The following RCAN1 variants were observed in gnomAD, a reference collection of about 807,000 sequenced individuals.
The protein encoded by RCAN1 is regulator of calcineurin 1.
A neutral mutation model predicts 22.9 loss-of-function variants in RCAN1; 11 were observed. The ratio of observed to expected loss-of-function variants is 0.48; its 90% CI spans 0.30 to 0.79. RCAN1 has a LOEUF of 0.79. Ranked by LOEUF, RCAN1 falls within the 30% of genes least tolerant of loss-of-function variation. The pLI, the probability that RCAN1 is intolerant of heterozygous loss-of-function variation, is 0.06. For synonymous variants in RCAN1, 136 were observed against 142.3 expected (o/e 0.96, Z 0.32); for missense variants, 291 against 337.8 (o/e 0.86, Z 1.09).
intron 1 of RCAN1, among the ~76,000 whole-genome samples, chr21:34,601,129 A>T (rs1344845517): frequency 6.6e-6 from 1 of 152,248 alleles, no homozygotes; most frequent in African/African-American, 2.4e-5. Flanking sequence ...TTCCACTGAT[A>T]CACAAATATT....
intron 1 of RCAN1, among the ~76,000 whole-genome samples, chr21:34,600,535 G>A (rs575435106): frequency 6.6e-6 from 1 of 152,228 alleles, no homozygotes; most frequent in East Asian, 1.9e-4. Context: ...GAAAGGAAAG[G>A]AGGCGAGGAG....
chr21:34,595,010 G>A (rs1988099342), intron 1 of RCAN1, among the ~76,000 whole-genome samples: 1 of 152,178 alleles, frequency 6.6e-6, no homozygotes, highest in Non-Finnish European at 1.5e-5. Context: ...TTCACCTCCA[G>A]ATGCCTCAGT....
intron 1 of RCAN1, among the ~76,000 whole-genome samples, chr21:34,595,060 T>C (rs553254077): frequency 6.6e-6 from 1 of 152,348 alleles, no homozygotes; most frequent in Middle Eastern, 3.4e-3. Context: ...AGTATCTGCT[T>C]CACAGGGTTT....
intron 1 of RCAN1, among the ~76,000 whole-genome samples, chr21:34,610,159 G>A (rs536136283): frequency 9.2e-5 from 14 of 152,326 alleles, no homozygotes; most frequent in Non-Finnish European, 1.6e-4. Context: ...TGGCTTGGAA[G>A]AGGAACAGGC....
chr21:34,597,363 G>C (rs1188593888), intron 1 of RCAN1, among the ~76,000 whole-genome samples: 1 of 152,218 alleles, frequency 6.6e-6, no homozygotes, highest in African/African-American at 2.4e-5. Context: ...CAAGTGGCCA[G>C]TGGTTACTGC....
chr21:34,592,315 T>C (rs2300388), intron 1 of RCAN1, among the ~76,000 whole-genome samples: 36,386 of 152,092 alleles, frequency 0.24, 4,646 homozygotes, highest in South Asian at 0.32. Flanking sequence ...ACAGCACAGC[T>C]CTCATGAGTC....
intron 1 of RCAN1, among the ~76,000 whole-genome samples, chr21:34,543,195 G>A (rs906419043): frequency 6.6e-6 from 1 of 152,246 alleles, no homozygotes; most frequent in Admixed American, 6.5e-5. Context: ...AGTCCCTGGA[G>A]CTTGTAAATA....
intron 1 of RCAN1, among the ~76,000 whole-genome samples, chr21:34,563,497 G>A (rs1568910936): frequency 1.3e-5 from 2 of 152,198 alleles, no homozygotes; most frequent in South Asian, 4.1e-4. Context: ...CAGAGTGCTG[G>A]TTTATCAGCA....
chr21:34,591,376 C>T (rs1987967676), intron 1 of RCAN1, among the ~76,000 whole-genome samples: 1 of 152,134 alleles, frequency 6.6e-6, no homozygotes, highest in South Asian at 2.1e-4. Flanking sequence ...GGGACAGTTT[C>T]CTGCAAAGTG....
At chr21:34,608,077 G>A (rs187624869) in intron 1 of RCAN1, among the ~76,000 whole-genome samples, 250 of 152,284 alleles carry the variant, frequency 1.6e-3, no homozygotes, top group Admixed American at 3.1e-3. Context: ...CCATCTAATT[G>A]CAGGAAAACA....
At chr21:34,534,859 G>A (rs776733660) in intron 1 of RCAN1, among the ~76,000 whole-genome samples, 33 of 152,208 alleles carry the variant, frequency 2.2e-4, no homozygotes, top group Non-Finnish European at 4.6e-4. Context: ...CTAGCAGGAT[G>A]CCAGGCACTG....
At chr21:34,580,118 C>G (rs762337265) in intron 1 of RCAN1, among the ~76,000 whole-genome samples, 2 of 152,158 alleles carry the variant, frequency 1.3e-5, no homozygotes, top group East Asian at 1.9e-4. Flanking sequence ...TAAAAAAGAG[C>G]CCAACCAAGG....
At chr21:34,542,580 T>C (rs1985962967) in intron 1 of RCAN1, among the ~76,000 whole-genome samples, 1 of 152,150 alleles carries the variant, frequency 6.6e-6, no homozygotes, top group Non-Finnish European at 1.5e-5. Context: ...GGATGATGCA[T>C]GGAGGAGAGA....
At chr21:34,530,643 T>TTTTTTTTA (rs1985342815) in intron 1 of RCAN1, among the ~76,000 whole-genome samples, 3 of 126,532 alleles carry the variant, frequency 2.4e-5, no homozygotes, top group East Asian at 2.5e-4. Context: ...TTTTTTTTTT[T>TTTTTTTTA]GAGACAGTTT....
chr21:34,609,955 T>C (rs1988639633), intron 1 of RCAN1, among the ~76,000 whole-genome samples: 1 of 152,252 alleles, frequency 6.6e-6, no homozygotes, highest in African/African-American at 2.4e-5. Flanking sequence ...AATTAAACTC[T>C]ATACCATATT....
chr21:34,568,582 C>T (rs1987118772), intron 1 of RCAN1, among the ~76,000 whole-genome samples: 1 of 152,172 alleles, frequency 6.6e-6, no homozygotes, highest in East Asian at 1.9e-4. Context: ...CTCCTTACAT[C>T]CACTGGAGGA....
At chr21:34,541,506 T>C (rs1985911528) in intron 1 of RCAN1, among the ~76,000 whole-genome samples, 1 of 152,252 alleles carries the variant, frequency 6.6e-6, no homozygotes, top group African/African-American at 2.4e-5. Context: ...AAAGGACATA[T>C]ATACTTTACT....
At chr21:34,581,250 A>G (rs1160238394) in intron 1 of RCAN1, among the ~76,000 whole-genome samples, 2 of 152,186 alleles carry the variant, frequency 1.3e-5, no homozygotes, top group Non-Finnish European at 2.9e-5. Flanking sequence ...TGCTGTTTCT[A>G]GGGTCCAATC....
At chr21:34,522,252 C>G (rs185605224) in intron 2 of RCAN1, 1 of 151,598 alleles carries the variant, frequency 6.6e-6, no homozygotes, top group African/African-American at 2.4e-5. Flanking sequence ...CAATAACCTA[C>G]GATCCTAGTT....
Sources: gnomAD v4.1 joint callset for allele counts (sites outside exome capture counted in the v4.1 genomes callset) on GRCh38, gnomAD v4.1.1 for gene constraint, MANE v1.5 for transcripts, NCBI Gene and HGNC (gene_info 2026-07-23, HGNC 2026-07-21) for gene names.